Variants in CSMD3 observed in about 807,000 individuals in gnomAD.
CSMD3 encodes CUB and Sushi multiple domains 3.
A neutral mutation model predicts 435.2 loss-of-function variants in CSMD3; 177 were observed. The observed-to-expected ratio is 0.41, with a 90% CI of 0.36 to 0.46. The LOEUF is 0.46. Among genes scored for constraint, CSMD3 ranks in the 20% least tolerant of loss-of-function variants. The probability of loss-of-function intolerance (pLI) is 0.34; values close to 1 mark genes in which losing one functional copy is unlikely to be tolerated. For missense variants in CSMD3, 4,265 were observed against 4,504.6 expected, an observed-to-expected ratio of 0.95 and a Z score of 1.52; for synonymous variants, 1,656 against 1,520.5, an observed-to-expected ratio of 1.09 and a Z score of -2.07.
rs1186584893 is a variant in CSMD3 at position 112,311,133 on chromosome 8, T to C, written c.7730A>G (p.His2577Arg). Reference sequence around the variant, plus strand: ...ACCTGTCTGACTGATAATATATCCATGAGGTGGGGATTCTGGTGTACTACA... The same window carrying C: ...ACCTGTCTGACTGATAATATATCCACGAGGTGGGGATTCTGGTGTACTACA... ...FYCSTPESPP[H>R]GYIISQTGGQ... Residue 2577 changes from histidine to arginine, a missense_variant, in exon 50 of 71, where the codon CAT becomes CGT. By Grantham distance (29) the His-to-Arg change is conservative. Transcript: ENST00000297405. The C allele has an allele frequency of 5.6e-6, 9 of 1,613,716 alleles. No homozygotes were observed. The highest frequency in any genetic ancestry group is 3.3e-4 in the Middle Eastern group (2 of 6,062).
intron 3 of CSMD3, among the ~76,000 whole-genome samples, chr8:113,211,331 G>A (rs1283754824): frequency 6.6e-6 from 1 of 152,048 alleles, no homozygotes; most frequent in Non-Finnish European, 1.5e-5. Context: ...AAGTATCAGA[G>A]ATACAAATCT....
intron 45 of CSMD3, among the ~76,000 whole-genome samples, chr8:112,323,675 C>T (rs1247233119): frequency 1.3e-5 from 2 of 151,968 alleles, no homozygotes; most frequent in African/African-American, 4.8e-5. Context: ...GTTTCAGCAG[C>T]CCTAGTAAAC....
chr8:113,222,916 A>AG (rs139683147), intron 3 of CSMD3, among the ~76,000 whole-genome samples: 2,843 of 151,012 alleles, frequency 0.019, 45 homozygotes, highest in Non-Finnish European at 0.025. Context: ...GTTTTTTGCA[A>AG]GTTTGTGCAA....
At chr8:112,293,983 A>AGTGGT (rs1185937129) in intron 54 of CSMD3, among the ~76,000 whole-genome samples, 1 of 152,112 alleles carries the variant, frequency 6.6e-6, no homozygotes, top group Non-Finnish European at 1.5e-5. Context: ...CAAGAAAAAC[A>AGTGGT]GTGGTATTAA....
chr8:113,435,288 C>T (rs1340530864), intron 1 of CSMD3, among the ~76,000 whole-genome samples: 1 of 152,072 alleles, frequency 6.6e-6, no homozygotes, highest in Non-Finnish European at 1.5e-5. Flanking sequence ...GCAGTTGCTG[C>T]CACAGAGACC....
chr8:112,792,305 T>C (rs894119980), intron 13 of CSMD3, among the ~76,000 whole-genome samples: 12 of 152,166 alleles, frequency 7.9e-5, no homozygotes, highest in African/African-American at 2.7e-4. Context: ...AGGCTGTGAA[T>C]TCCAAGATCA....
intron 11 of CSMD3, among the ~76,000 whole-genome samples, chr8:112,840,603 A>C (rs978997281): frequency 6.6e-6 from 1 of 151,752 alleles, no homozygotes; most frequent in African/African-American, 2.4e-5. Flanking sequence ...AATTATTCTG[A>C]TTTGATCATT....
At chr8:112,755,331 A>AAATTAT (rs2077668455) in intron 13 of CSMD3, among the ~76,000 whole-genome samples, 1 of 128,734 alleles carries the variant, frequency 7.8e-6, no homozygotes, top group African/African-American at 3.1e-5. Context: ...ACTCCGTCTC[A>AAATTAT]AATAATAATA....
At chr8:113,102,426 T>C (rs1208069202) in intron 4 of CSMD3, among the ~76,000 whole-genome samples, 1 of 152,178 alleles carries the variant, frequency 6.6e-6, no homozygotes, top group Non-Finnish European at 1.5e-5. Flanking sequence ...TCTCTGACTA[T>C]AATGACTATA....
chr8:112,517,286 C>A (rs2130991358), intron 27 of CSMD3, 61 bp from the exon 28 acceptor site: 1 of 1,217,560 alleles, frequency 8.2e-7, no homozygotes, highest in East Asian at 2.4e-5. Context: ...TTTCATATAT[C>A]CCTGTGTTTT....
chr8:112,443,373 T>C (rs887589497), intron 32 of CSMD3, among the ~76,000 whole-genome samples: 5 of 152,236 alleles, frequency 3.3e-5, no homozygotes, highest in African/African-American at 4.8e-5. Flanking sequence ...GAATGAATGA[T>C]ACATTAAGAG....
At chr8:113,147,734 C>CGTCAT (rs1564365644) in intron 4 of CSMD3, among the ~76,000 whole-genome samples, 1 of 151,586 alleles carries the variant, frequency 6.6e-6, no homozygotes, top group African/African-American at 2.4e-5. Flanking sequence ...GTTTCGCTTC[C>CGTCAT]GTCATTCCTC....
intron 5 of CSMD3, among the ~76,000 whole-genome samples, chr8:113,039,381 G>A (rs185982233): frequency 4.6e-5 from 7 of 152,160 alleles, no homozygotes; most frequent in African/African-American, 7.2e-5. Context: ...AATTAAATGG[G>A]TTGCTTACTT....
At chr8:112,548,587 A>G (rs1466663364) in intron 27 of CSMD3, among the ~76,000 whole-genome samples, 1 of 152,156 alleles carries the variant, frequency 6.6e-6, no homozygotes, top group Non-Finnish European at 1.5e-5. Context: ...GGCAATGAGA[A>G]TGATAACCAT....
intron 1 of CSMD3, among the ~76,000 whole-genome samples, chr8:113,429,313 AT>A (rs2094656022): frequency 6.6e-6 from 1 of 151,906 alleles, no homozygotes; most frequent in African/African-American, 2.4e-5. Context: ...TCATGTAAAT[AT>A]GACTTAAACA....
At chr8:112,675,563 T>C (rs1398320148) in intron 16 of CSMD3, among the ~76,000 whole-genome samples, 2 of 152,070 alleles carry the variant, frequency 1.3e-5, no homozygotes, top group African/African-American at 4.8e-5. Flanking sequence ...GCAGAAAGCA[T>C]ATATACATCA....
At chr8:113,384,555 T>C (rs1018088502) in intron 1 of CSMD3, among the ~76,000 whole-genome samples, 5 of 152,216 alleles carry the variant, frequency 3.3e-5, no homozygotes, top group Admixed American at 3.3e-4. Flanking sequence ...CGTTTGGGTC[T>C]ATAGAAGGCA....
chr8:112,798,668 C>G (rs1394335538), intron 13 of CSMD3, among the ~76,000 whole-genome samples: 1 of 151,798 alleles, frequency 6.6e-6, no homozygotes, highest in Non-Finnish European at 1.5e-5. Flanking sequence ...GTGTAAATAT[C>G]GATAGAACTC....
intron 45 of CSMD3, among the ~76,000 whole-genome samples, chr8:112,320,943 T>G (rs1822944088): frequency 2.0e-5 from 3 of 152,120 alleles, no homozygotes; most frequent in Admixed American, 2.0e-4. Flanking sequence ...GTTCATCTCA[T>G]TGGATTAGAT....
Sources: allele counts gnomAD v4.1 joint callset (sites outside exome capture counted in the v4.1 genomes callset), GRCh38; gene constraint gnomAD v4.1.1; transcripts MANE v1.5; gene names NCBI Gene and HGNC (gene_info 2026-07-23, HGNC 2026-07-21).